PCDH11Y: variants seen among roughly 807,000 people sequenced by gnomAD.
PCDH11Y encodes protocadherin 11 Y-linked.
For synonymous variants in PCDH11Y, 9 were observed against 83.6 expected, an observed-to-expected ratio of 0.11 and a Z score of 4.87; for missense variants, 12 against 224.8, an observed-to-expected ratio of 0.05 and a Z score of 6.05.
chrY:5,534,021 A>T (rs2053397560), intron 3 of PCDH11Y, among the ~76,000 whole-genome samples: 1 of 31,312 alleles, frequency 3.2e-5, no homozygotes, highest in Non-Finnish European at 7.8e-5. Flanking sequence ...ATTTCTTCAC[A>T]TTTTTTTTTA....
intron 2 of PCDH11Y, among the ~76,000 whole-genome samples, chrY:5,112,159 T>A (rs2052803321): frequency 1.6e-3 from 55 of 33,785 alleles, no homozygotes; most frequent in Non-Finnish European, 5.9e-4. Context: ...ATCCCATATA[T>A]AATCTTTCAT....
intron 1 of PCDH11Y, among the ~76,000 whole-genome samples, chrY:5,067,412 C>A: frequency 3.0e-5 from 1 of 32,815 alleles, no homozygotes; most frequent in African/African-American, 1.2e-4. Context: ...AAACTGTAAT[C>A]TCATTGTAAC....
intron 2 of PCDH11Y, among the ~76,000 whole-genome samples, chrY:5,476,180 G>A: frequency 6.5e-5 from 2 of 30,748 alleles, no homozygotes; most frequent in Admixed American, 2.9e-4. Flanking sequence ...CTTTTACCTC[G>A]TAAACTTTTA....
At chrY:5,727,755 A>G in intron 4 of PCDH11Y, among the ~76,000 whole-genome samples, 3 of 32,772 alleles carry the variant, frequency 9.2e-5, no homozygotes, top group African/African-American at 2.4e-4. Flanking sequence ...AAATTTCTCA[A>G]CAGTTGACAT....
chrY:5,575,763 G>A (rs2053445457), intron 3 of PCDH11Y, among the ~76,000 whole-genome samples: 34 of 33,021 alleles, frequency 1.0e-3, no homozygotes, highest in African/African-American at 4.0e-3. Flanking sequence ...TAAAACTTAA[G>A]TCTTTTAGCA....
chrY:5,314,390 C>G, intron 2 of PCDH11Y, among the ~76,000 whole-genome samples: 1 of 29,473 alleles, frequency 3.4e-5, no homozygotes, highest in Non-Finnish European at 8.0e-5. Context: ...CTCAGGTGAT[C>G]CACCCTCCTC....
intron 2 of PCDH11Y, among the ~76,000 whole-genome samples, chrY:5,128,143 G>A: frequency 3.1e-5 from 1 of 32,616 alleles, no homozygotes; most frequent in South Asian, 6.8e-4. Context: ...TACGTTTGAG[G>A]ATCATATTTA....
intron 3 of PCDH11Y, among the ~76,000 whole-genome samples, chrY:5,569,576 A>G: frequency 3.0e-5 from 1 of 33,722 alleles, no homozygotes; most frequent in Non-Finnish European, 7.4e-5. Context: ...ACAGAGTACA[A>G]AAATTGAAAG....
At chrY:5,445,968 A>AC (rs2053287447) in intron 2 of PCDH11Y, among the ~76,000 whole-genome samples, 1 of 33,149 alleles carries the variant, frequency 3.0e-5, no homozygotes, top group Non-Finnish European at 7.4e-5. Context: ...ATCCCTTATC[A>AC]CCAGGTATTA....
At chrY:5,437,073 C>A in intron 2 of PCDH11Y, among the ~76,000 whole-genome samples, 5 of 33,078 alleles carry the variant, frequency 1.5e-4, no homozygotes, top group Admixed American at 1.4e-3. Context: ...GTCATTGGAA[C>A]CACAGGGAAA....
At chrY:5,369,240 C>T (rs2053185008) in intron 2 of PCDH11Y, among the ~76,000 whole-genome samples, 1 of 32,275 alleles carries the variant, frequency 3.1e-5, no homozygotes, top group African/African-American at 1.2e-4. Flanking sequence ...CCAAATCTCA[C>T]CTTGAATTGT....
At chrY:5,647,272 A>C in intron 4 of PCDH11Y, among the ~76,000 whole-genome samples, 1 of 33,353 alleles carries the variant, frequency 3.0e-5, no homozygotes, top group Non-Finnish European at 7.4e-5. Flanking sequence ...CCAGACACGA[A>C]TCATAAACAG....
At chrY:5,249,859 A>C in intron 2 of PCDH11Y, among the ~76,000 whole-genome samples, 1 of 32,762 alleles carries the variant, frequency 3.1e-5, no homozygotes, top group African/African-American at 1.2e-4. Flanking sequence ...GAAAAAAACC[A>C]AACAACCCCA....
intron 1 of PCDH11Y, among the ~76,000 whole-genome samples, chrY:5,062,075 CAA>C (rs2052676497): frequency 3.7e-4 from 12 of 32,431 alleles, no homozygotes; most frequent in Non-Finnish European, 7.5e-5. Context: ...TTAAAATTGC[CAA>C]GAATGAGACA....
At chrY:5,390,884 A>G in intron 2 of PCDH11Y, among the ~76,000 whole-genome samples, 1 of 33,231 alleles carries the variant, frequency 3.0e-5, no homozygotes, top group Non-Finnish European at 7.4e-5. Context: ...GTGTAAACTT[A>G]GGAAAAATCA....
intron 4 of PCDH11Y, among the ~76,000 whole-genome samples, chrY:5,638,551 C>G: frequency 3.0e-5 from 1 of 32,994 alleles, no homozygotes; most frequent in Non-Finnish European, 7.4e-5. Context: ...TCTATCAAAA[C>G]ATGATACAAA....
intron 2 of PCDH11Y, among the ~76,000 whole-genome samples, chrY:5,276,058 T>A: frequency 6.0e-5 from 2 of 33,141 alleles, no homozygotes; most frequent in Non-Finnish European, 1.5e-4. Flanking sequence ...GTGTTTACTA[T>A]TTATGGCCAG....
chrY:5,218,511 A>G, intron 2 of PCDH11Y, among the ~76,000 whole-genome samples: 1 of 16,824 alleles, frequency 5.9e-5, no homozygotes, highest in South Asian at 1.8e-3. Flanking sequence ...CATTTTGCCA[A>G]TCATTATACA....
At chrY:5,244,514 A>G in intron 2 of PCDH11Y, among the ~76,000 whole-genome samples, 7 of 33,595 alleles carry the variant, frequency 2.1e-4, no homozygotes, top group Non-Finnish European at 3.7e-4. Context: ...CGGCCCACCC[A>G]AGAGCCACAT....
Sources: gnomAD v4.1 joint callset for allele counts (sites outside exome capture counted in the v4.1 genomes callset) on GRCh38, gnomAD v4.1.1 for gene constraint, MANE v1.5 for transcripts, NCBI Gene and HGNC (gene_info 2026-07-23, HGNC 2026-07-21) for gene names.